SCCPDH: variants seen among roughly 807,000 people sequenced by gnomAD.
SCCPDH encodes the protein saccharopine dehydrogenase-like oxidoreductase.
A neutral mutation model predicts 51.5 loss-of-function variants in SCCPDH; 34 were observed. That is an observed-to-expected ratio of 0.66 (90% CI 0.50 to 0.88). The LOEUF (loss-of-function observed/expected upper bound fraction) is 0.88. SCCPDH is among the 40% of genes least tolerant of loss of function. The pLI, the probability that SCCPDH is intolerant of heterozygous loss-of-function variation, is 0.00. For synonymous variants in SCCPDH, 187 were observed against 191.3 expected (o/e 0.98, Z 0.19); for missense variants, 464 against 527.1 (o/e 0.88, Z 1.17).
chr1:246,767,155 G>A lies in SCCPDH; in HGVS notation c.1185-40G>A, dbSNP rs188191555. On this transcript the variant is annotated intron_variant, in intron 11 of 11. Transcript: ENST00000366510. ...GGCCTGTGAAATAGGAGACTGGAGA[G>A]GAGCTGAGTGCACTGTTTTCTCTTG... The A allele has an allele frequency of 7.1e-6, 10 of 1,413,164 alleles. No individual in the cohort carries two copies. The East Asian group carries it at 2.4e-4, about 34-fold the overall frequency. 87.5% of individuals were successfully genotyped at this position (1,413,164 alleles called of 1,614,324 possible).
intron 3 of SCCPDH, among the ~76,000 whole-genome samples, chr1:246,736,523 A>G (rs1668593254): frequency 6.6e-6 from 1 of 152,070 alleles, no homozygotes; most frequent in Non-Finnish European, 1.5e-5. Flanking sequence ...AACACGGTGA[A>G]ACCCCATGTC....
intron 2 of SCCPDH, among the ~76,000 whole-genome samples, chr1:246,734,601 C>A (rs115089785): frequency 0.011 from 1,669 of 152,262 alleles, 27 homozygotes; most frequent in African/African-American, 0.039. Context: ...ATCCGCCATT[C>A]TTAGTAAGAG....
intron 1 of SCCPDH, 78 bp downstream of exon 1, chr1:246,724,690 C>A: frequency 1.5e-6 from 2 of 1,291,360 alleles, no homozygotes; most frequent in Non-Finnish European, 2.0e-6. Flanking sequence ...AGCGTTTCTC[C>A]CGCAGGGATG....
At chr1:246,726,868 T>TC in intron 1 of SCCPDH, 24 bp from the exon 2 acceptor site, 1 of 1,521,720 alleles carries the variant, frequency 6.6e-7, no homozygotes, top group South Asian at 1.1e-5. Flanking sequence ...GGATTTACTT[T>TC]CCTTCATTTG....
intron 2 of SCCPDH, among the ~76,000 whole-genome samples, chr1:246,730,084 C>T (rs1455403363): frequency 6.6e-6 from 1 of 152,180 alleles, no homozygotes; most frequent in Non-Finnish European, 1.5e-5. Flanking sequence ...AACTACTCTA[C>T]TTTTTGTGCC....
chr1:246,745,911 A>C (rs1668751253), intron 5 of SCCPDH, among the ~76,000 whole-genome samples: 1 of 151,942 alleles, frequency 6.6e-6, no homozygotes, highest in African/African-American at 2.4e-5. Context: ...GATCGAGACC[A>C]TCCTGGCTAA....
chr1:246,747,349 AAT>A (rs1307139601), intron 5 of SCCPDH, among the ~76,000 whole-genome samples: 1 of 152,184 alleles, frequency 6.6e-6, no homozygotes, highest in Admixed American at 6.5e-5. Context: ...GACCTGGGGT[AAT>A]AGAGTGTGAA....
intron 5 of SCCPDH, among the ~76,000 whole-genome samples, chr1:246,751,934 G>A (rs761858197): frequency 7.8e-5 from 8 of 102,096 alleles, no homozygotes; most frequent in South Asian, 3.0e-4. Context: ...CACCACGCCC[G>A]GCTAATTTTT....
At chr1:246,740,059 A>C (rs1668654960) in intron 3 of SCCPDH, 113 bp from the exon 4 acceptor site, 4 of 781,034 alleles carry the variant, frequency 5.1e-6, no homozygotes, top group Non-Finnish European at 7.9e-6. Context: ...CTGCAGAGCC[A>C]CACTGCTTAG....
rs1668408680 is a variant in SCCPDH at position 246,726,950 on chromosome 1, C to G, written c.249C>G (p.Ala83=). 1.2e-6 allele frequency: 2 copies of G among 1,614,064 alleles called. No individual in the cohort carries two copies. Among genetic ancestry groups the G allele is most frequent in the African/African-American group, 2.7e-5 (2 of 74,944 alleles). ...TCATCTGTGATATTGCTAATCCAGC[C>G]TCGCTTGATGAAATGGCTAAACAGG... ...GIIICDIANP[A]SLDEMAKQAT... Residue 83 remains alanine, a synonymous_variant, in exon 2 of 12, where the codon GCC becomes GCG. Coordinates refer to ENST00000366510, the MANE Select transcript of SCCPDH (RefSeq NM_016002.3).
chr1:246,764,921 G>C (rs1458055793), intron 10 of SCCPDH, among the ~76,000 whole-genome samples: 1 of 151,720 alleles, frequency 6.6e-6, no homozygotes, highest in Non-Finnish European at 1.5e-5. Context: ...AGGTCCACTT[G>C]TGAACTGTGG....
chr1:246,763,651 C>T (rs1012742224), intron 9 of SCCPDH, among the ~76,000 whole-genome samples: 3 of 152,044 alleles, frequency 2.0e-5, no homozygotes, highest in African/African-American at 7.2e-5. Context: ...ATCTCTCTCT[C>T]CCCCCCTTTC....
At position 246,758,332 on chromosome 1, in the gene SCCPDH, T is replaced by C. The variant is rs1479470672; in HGVS notation, c.671T>C (p.Leu224Pro). The C allele has an allele frequency of 3.7e-6, 6 of 1,607,630 alleles. No individual in the cohort carries two copies. Among genetic ancestry groups the C allele is most frequent in the Non-Finnish European group, 5.1e-6 (6 of 1,177,480 alleles). ...GTATCAAATCTGAAACCTGTCCCGCTCATTGGTCCAAAATTGAAGAGAAGG... is the reference window on the plus strand; with the variant it reads ...GTATCAAATCTGAAACCTGTCCCGCCCATTGGTCCAAAATTGAAGAGAAGG... ...RNVSNLKPVP[L>P]IGPKLKRRWP... is the part of the protein sequence containing the mutation. The change falls in exon 6 of 12, where the codon CTC (leucine) becomes CCC (proline). Residue 224 changes from leucine (L) to proline (P), a missense_variant. Leu to Pro is a moderately conservative substitution (Grantham distance 98, BLOSUM62 -3). Transcript: ENST00000366510.
Position 246,764,091 on chromosome 1 carries a change from G to A in SCCPDH, c.991-155G>A, listed in dbSNP as rs191684675. On this transcript the variant is annotated intron_variant, in intron 9 of 11. Transcript: ENST00000366510. ...TGACAGCTTCAAAGAATTAGTTTTC[G>A]CTCCCTGCTTAAATGATGACGGGAT... Among the ~76,000 whole-genome samples, 59 of 151,994 alleles carry A rather than the reference G, an allele frequency of 3.9e-4. 1 individual carries two copies. Among genetic ancestry groups the A allele is most frequent in the Admixed American group, 1.6e-3 (25 of 15,276 alleles).
At chr1:246,746,734 G>T (rs894452231) in intron 5 of SCCPDH, among the ~76,000 whole-genome samples, 1 of 152,108 alleles carries the variant, frequency 6.6e-6, no homozygotes, top group Non-Finnish European at 1.5e-5. Flanking sequence ...CCAGCTACTC[G>T]GGTCATGGAG....
chr1:246,746,670 G>A (rs896690211), intron 5 of SCCPDH, among the ~76,000 whole-genome samples: 2 of 151,968 alleles, frequency 1.3e-5, no homozygotes, highest in Non-Finnish European at 2.9e-5. Context: ...GTGAAACTCC[G>A]TCTCTACTAA....
At chr1:246,752,558 C>G (rs1018027654) in intron 5 of SCCPDH, among the ~76,000 whole-genome samples, 13 of 152,116 alleles carry the variant, frequency 8.5e-5, no homozygotes, top group African/African-American at 2.9e-4. Context: ...TTAAATTTAC[C>G]CTCACTTTTA....
intron 10 of SCCPDH, among the ~76,000 whole-genome samples, 153 bp downstream of exon 10, chr1:246,764,510 A>T (rs1269658049): frequency 6.6e-6 from 1 of 152,266 alleles, no homozygotes; most frequent in East Asian, 1.9e-4. Flanking sequence ...TCAAAGGAAG[A>T]TTGAAATTAT....
intron 5 of SCCPDH, among the ~76,000 whole-genome samples, chr1:246,750,040 T>C: frequency 6.6e-6 from 1 of 152,150 alleles, no homozygotes; most frequent in East Asian, 1.9e-4. Context: ...GGCCCTGGAA[T>C]AGCTGTCCAT....
Sources: gnomAD v4.1 joint callset for allele counts (sites outside exome capture counted in the v4.1 genomes callset) on GRCh38, gnomAD v4.1.1 for gene constraint, MANE v1.5 for transcripts, NCBI Gene and HGNC (gene_info 2026-07-23, HGNC 2026-07-21) for gene names.